SMIM7: variants seen among roughly 807,000 people sequenced by gnomAD.
The protein encoded by SMIM7 is small integral membrane protein 7.
In SMIM7, 12 loss-of-function variants were observed where a neutral mutation model predicts 13.3. The observed-to-expected ratio is 0.90, with a 90% CI of 0.58 to 1.46. The LOEUF (loss-of-function observed/expected upper bound fraction) is 1.46, where lower values mean the gene tolerates loss of function less well. SMIM7 is among the 40% of genes most tolerant of loss of function. The pLI is 0.00. For synonymous variants in SMIM7, 36 were observed against 35.8 expected, an observed-to-expected ratio of 1.01 and a Z score of -0.02; for missense variants, 114 against 94.8, an observed-to-expected ratio of 1.20 and a Z score of -0.84.
At chr19:16,656,723 AC>A (rs2086601457) in intron 3 of SMIM7, among the ~76,000 whole-genome samples, 1 of 151,828 alleles carries the variant, frequency 6.6e-6, no homozygotes, top group African/African-American at 2.4e-5. Context: ...ACATGGCGAA[AC>A]CCCATCTCTA....
rs566968984 is a variant in SMIM7, at chr19:16,633,053, C to T, written c.*138-1329G>A. Among the ~76,000 whole-genome samples, 5 of 152,236 alleles carry T rather than the reference C, an allele frequency of 3.3e-5. No individual in the cohort carries two copies. The South Asian group carries it at 1.0e-3, about 32-fold the overall frequency. On this transcript the variant is annotated intron_variant and NMD_transcript_variant, in intron 4 of 4. Coordinates refer to the SMIM7 transcript ENST00000465250. ...CGTAAATAAACTGTGATTAGTTCCC[C>T]ACAATGGGAAGGTTATGAATTAGAA...
At chr19:16,652,930 A>C (rs752455763) in intron 4 of SMIM7, 4 of 1,550,476 alleles carry the variant, frequency 2.6e-6, no homozygotes, top group Admixed American at 3.9e-5. Context: ...CCAGTGCTAG[A>C]TGGAAAGGCA....
intron 3 of SMIM7, among the ~76,000 whole-genome samples, chr19:16,656,128 G>A (rs762788521): frequency 6.6e-6 from 1 of 152,160 alleles, no homozygotes; most frequent in Non-Finnish European, 1.5e-5. Flanking sequence ...GCTCACAACT[G>A]TAATCCCAGC....
intron 3 of SMIM7, 64 bp downstream of exon 3, chr19:16,659,331 C>G: frequency 7.8e-7 from 1 of 1,282,182 alleles, no homozygotes. Context: ...GAAGGTAGGG[C>G]TTGGCGAAAC....
chr19:16,637,896 G>A (rs561418936), intron 4 of SMIM7, among the ~76,000 whole-genome samples: 1 of 152,310 alleles, frequency 6.6e-6, no homozygotes, highest in African/African-American at 2.4e-5. Context: ...AACAGGGACT[G>A]TATTTGGAGA....
chr19:16,647,061 T>C lies in SMIM7; in HGVS notation c.*185A>G, dbSNP rs1456658164. On this transcript the variant is annotated 3_prime_UTR_variant, in exon 5 of 5. Coordinates refer to ENST00000487416, the MANE Select transcript of SMIM7 (RefSeq NM_024104.4). ...TCAGAGACCAAAGTGAAACTATCTT[T>C]GAAAACAGGGACGTGGCTGGGAAAC... 3 of 700,292 alleles carry C rather than the reference T, an allele frequency of 4.3e-6. No individual in the cohort carries two copies. In the African/African-American group the frequency reaches 5.4e-5, roughly 13 times the overall value. 43.4% of individuals were successfully genotyped at this position (700,292 alleles called of 1,614,324 possible). A position where few individuals can be genotyped will look rare whatever the true frequency, so the allele number is the denominator to read the frequency against.
At chr19:16,647,329 G>A (rs1474403285) in intron 4 of SMIM7, 68 bp from the exon 5 acceptor site, 20 of 1,574,390 alleles carry the variant, frequency 1.3e-5, no homozygotes, top group Non-Finnish European at 1.7e-5. Context: ...TATTGTCAGC[G>A]ATTATTTTAC....
At position 16,660,024 on chromosome 19, in the gene SMIM7, C is replaced by G. The variant is rs767377514; in HGVS notation, c.27-24G>C. 5.6e-6 allele frequency: 9 copies of G among 1,613,912 alleles called. No individual in the cohort carries two copies. The East Asian group carries it at 1.8e-4, about 32-fold the overall frequency. On this transcript the variant is annotated intron_variant, in intron 1 of 4. Coordinates refer to ENST00000487416, the MANE Select transcript of SMIM7 (RefSeq NM_024104.4). ...TCCTGCAGAGGGAGAATTACAGTTA[C>G]TAGGGGCGCCCCCGCGTCCTGCCTG...
chr19:16,641,656 T>C (rs574250848), downstream of SMIM7, among the ~76,000 whole-genome samples: 1 of 152,058 alleles, frequency 6.6e-6, no homozygotes, highest in East Asian at 1.9e-4. Context: ...TGGAGTGCAG[T>C]GGAAAAATCT....
intron 4 of SMIM7, among the ~76,000 whole-genome samples, chr19:16,651,601 G>T (rs1252892159): frequency 6.6e-6 from 1 of 152,206 alleles, no homozygotes; most frequent in Non-Finnish European, 1.5e-5. Context: ...GAAGATGCTG[G>T]TCAAACAGGA....
At chr19:16,653,104 G>T in intron 4 of SMIM7, 2 of 990,812 alleles carry the variant, frequency 2.0e-6, no homozygotes, top group Non-Finnish European at 2.9e-6. Flanking sequence ...CAGAAGAACT[G>T]GTGAGACGTG....
intron 4 of SMIM7, chr19:16,652,788 C>G: frequency 6.6e-7 from 1 of 1,518,912 alleles, no homozygotes; most frequent in East Asian, 2.5e-5. Flanking sequence ...TTTGTCCTCT[C>G]TCTTTCTGGG....
At position 16,650,520 on chromosome 19, in the gene SMIM7, G is replaced by T. The variant is rs562826531; in HGVS notation, c.213-3259C>A. 3.3e-5 allele frequency among the ~76,000 whole-genome samples: 5 copies of T among 152,262 alleles called. No homozygotes were observed. In the South Asian group the frequency reaches 1.0e-3, roughly 32 times the overall value. On this transcript the variant is annotated intron_variant, in intron 4 of 4. Transcript: ENST00000487416. ...AGGTCAGGAGTTCGAGACCAGCCTG[G>T]TCAACAGGATGAAATCTCATCTCTA...
Position 16,647,137 on chromosome 19 carries a change from T to G in SMIM7, c.*109A>C. 1.4e-6 allele frequency: 2 copies of G among 1,465,756 alleles called. No homozygotes were observed. The highest frequency in any genetic ancestry group is 4.6e-5 in the East Asian group (2 of 43,838). 90.8% of individuals were successfully genotyped at this position (1,465,756 alleles called of 1,614,324 possible). ...CCACCCACCACGAGCTTGGACTTTC[T>G]GGGAAGGTTGTCGGTTTTCTGGTCA... On this transcript the variant is annotated 3_prime_UTR_variant, in exon 5 of 5. Coordinates refer to ENST00000487416, the MANE Select transcript of SMIM7 (RefSeq NM_024104.4).
Position 16,659,487 on chromosome 19 carries a change from A to G in SMIM7, c.69-40T>C, listed in dbSNP as rs762170964. The G allele has an allele frequency of 8.1e-6, 13 of 1,596,782 alleles. No individual in the cohort carries two copies. In the East Asian group the frequency reaches 2.5e-4, roughly 30 times the overall value. On this transcript the variant is annotated intron_variant, in intron 2 of 4. Coordinates refer to ENST00000487416, the MANE Select transcript of SMIM7 (RefSeq NM_024104.4). ...AGACAGTGTCCACTTTCAATGGGAC[A>G]TAGAGTCCTCAGCCCCCTGACCCCC...
At chr19:16,642,659 G>C (rs2086412239), downstream of SMIM7, among the ~76,000 whole-genome samples, 1 of 152,098 alleles carries the variant, frequency 6.6e-6, no homozygotes, top group Admixed American at 6.6e-5. Flanking sequence ...GAGCAACACA[G>C]GGAGACCCTG....
chr19:16,652,711 T>G (rs757650567), intron 4 of SMIM7: 62 of 1,435,604 alleles, frequency 4.3e-5, no homozygotes, highest in Admixed American at 5.8e-5. Context: ...AAACAGCCAC[T>G]GGGGTGGCAC....
exon 5 of SMIM7, chr19:16,631,340 C>G (rs1309276997): frequency 1.3e-5 from 2 of 151,986 alleles, no homozygotes; most frequent in Non-Finnish European, 2.9e-5. Flanking sequence ...GAGCCAAGAT[C>G]ACACCACCAC....
chr19:16,649,077 G>A (rs934226882), intron 4 of SMIM7, among the ~76,000 whole-genome samples: 6 of 152,102 alleles, frequency 3.9e-5, no homozygotes, highest in African/African-American at 4.8e-5. Flanking sequence ...AAAGATTAAC[G>A]GTAACAGAGT....
Sources: gnomAD v4.1 joint callset for allele counts (sites outside exome capture counted in the v4.1 genomes callset) on GRCh38, gnomAD v4.1.1 for gene constraint, MANE v1.5 for transcripts, NCBI Gene and HGNC (gene_info 2026-07-23, HGNC 2026-07-21) for gene names.